KIF3A: variants seen among roughly 807,000 people sequenced by gnomAD.
KIF3A encodes kinesin family member 3A.
A neutral mutation model predicts 92.6 loss-of-function variants in KIF3A; 27 were observed. That is an observed-to-expected ratio of 0.29 (90% CI 0.21 to 0.40). KIF3A has a LOEUF of 0.40. KIF3A is among the 10% of genes least tolerant of loss of function. The probability of loss-of-function intolerance (pLI) is 1.00; values close to 1 mark genes in which losing one functional copy is unlikely to be tolerated. For synonymous variants in KIF3A, 250 were observed against 275.4 expected (o/e 0.91, Z 0.92); for missense variants, 581 against 872.6 (o/e 0.67, Z 4.21).
chr5:132,720,795 T>C, intron 4 of KIF3A, 81 bp from the exon 5 acceptor site: 1 of 749,212 alleles, frequency 1.3e-6, no homozygotes, highest in Non-Finnish European at 2.2e-6. Context: ...TGTTGGACAC[T>C]CTACTAGACA....
In KIF3A at chr5:132,699,234, G is replaced by T. The variant is rs375666398; in HGVS notation, c.2069C>A (p.Ser690Tyr). 1.2e-6 allele frequency: 2 copies of T among 1,613,478 alleles called. No homozygotes were observed. Among genetic ancestry groups the T allele is most frequent in the African/African-American group, 2.7e-5 (2 of 74,898 alleles). Residue 690 changes from serine to tyrosine, a missense_variant, in exon 18 of 19, where the codon TCT becomes TAT. By Grantham distance (144) the Ser-to-Tyr change is moderately radical. Transcript: ENST00000403231. ...TCGTGGTCTTTCTAGTTTCATCAAA[G>T]ACTGACGCAGACTCTCCTCAGTATA... ...LAYTEESLRQ[S>Y]LMKLERPRTS...
chr5:132,691,041 A>G (rs749523747), downstream of KIF3A, among the ~76,000 whole-genome samples: 2 of 152,230 alleles, frequency 1.3e-5, no homozygotes, highest in Admixed American at 6.5e-5. Flanking sequence ...CTGGTAATCA[A>G]TGTTTGTCAA....
intron 9 of KIF3A, among the ~76,000 whole-genome samples, chr5:132,710,236 T>C (rs765367505): frequency 2.6e-5 from 4 of 152,354 alleles, no homozygotes; most frequent in Admixed American, 2.6e-4. Flanking sequence ...GAATTCCTCA[T>C]ACAAATTTAC....
chr5:132,705,228 T>C (rs890812224), intron 11 of KIF3A, among the ~76,000 whole-genome samples: 1 of 151,956 alleles, frequency 6.6e-6, no homozygotes, highest in Non-Finnish European at 1.5e-5. Flanking sequence ...GTCTTAGAAA[T>C]TTGAAGGAGA....
intron 4 of KIF3A, among the ~76,000 whole-genome samples, chr5:132,725,681 A>C (rs1754010942): frequency 6.6e-6 from 1 of 152,190 alleles, no homozygotes; most frequent in Non-Finnish European, 1.5e-5. Context: ...TACTACCAAC[A>C]ACCATCAATT....
At chr5:132,724,957 T>C (rs1007763473) in intron 4 of KIF3A, among the ~76,000 whole-genome samples, 1 of 145,314 alleles carries the variant, frequency 6.9e-6, no homozygotes. Context: ...CAATGGAACA[T>C]AAGAAATCCT....
chr5:132,717,153 CTT>C (rs1473307840), intron 5 of KIF3A, among the ~76,000 whole-genome samples, 169 bp from the exon 6 acceptor site: 1 of 152,134 alleles, frequency 6.6e-6, no homozygotes, highest in East Asian at 1.9e-4. Context: ...TGAAATTTCT[CTT>C]ATACTTTGTT....
At chr5:132,721,307 T>G (rs1753815816) in intron 4 of KIF3A, 1 of 152,328 alleles carries the variant, frequency 6.6e-6, no homozygotes, top group South Asian at 2.1e-4. Flanking sequence ...GATCTTTCTG[T>G]GAATTACCTT....
intron 2 of KIF3A, among the ~76,000 whole-genome samples, chr5:132,732,266 A>T (rs1380004884): frequency 1.3e-5 from 2 of 152,204 alleles, no homozygotes; most frequent in Non-Finnish European, 2.9e-5. Flanking sequence ...GCAGCTCCTC[A>T]AAACATTAAA....
chr5:132,734,996 A>C (rs1293613366), intron 1 of KIF3A, among the ~76,000 whole-genome samples: 1 of 152,234 alleles, frequency 6.6e-6, no homozygotes, highest in Non-Finnish European at 1.5e-5. Context: ...CAGAAATGAA[A>C]GTCTAATGGC....
intron 8 of KIF3A, 69 bp from the exon 9 acceptor site, chr5:132,711,126 T>C (rs1753409364): frequency 3.6e-6 from 5 of 1,406,968 alleles, no homozygotes; most frequent in African/African-American, 1.4e-5. Context: ...GAAATACCTA[T>C]ATCAGCTTTC....
chr5:132,702,447 T>C, intron 14 of KIF3A, 111 bp downstream of exon 14: 1 of 716,426 alleles, frequency 1.4e-6, no homozygotes, highest in Non-Finnish European at 2.2e-6. Flanking sequence ...AAATATTTTA[T>C]TTCTTTTAAA....
At chr5:132,716,581 G>A (rs1753631145) in intron 6 of KIF3A, 139 bp from the exon 7 acceptor site, 2 of 787,024 alleles carry the variant, frequency 2.5e-6, no homozygotes, top group Non-Finnish European at 2.0e-6. Flanking sequence ...ATATAGGAAA[G>A]GAAGAAGTGG....
At position 132,737,481 on chromosome 5, in the gene KIF3A, TGCGCAGAAAG is replaced by T; in HGVS notation, c.-72_-63del. 1 of 1,585,008 alleles carries T rather than the reference TGCGCAGAAAG, an allele frequency of 6.3e-7. No individual in the cohort carries two copies. The highest frequency in any genetic ancestry group is 8.6e-7 in the Non-Finnish European group (1 of 1,165,452). ...CGGGGTGCAGCCCAGCGACACCGGG[TGCGCAGAAAG>T]GATGGCCAGAGACTACCGAAACACC... On this transcript the variant is annotated 5_prime_UTR_variant, in exon 1 of 19. Transcript: ENST00000403231.
At chr5:132,732,202 C>T (rs566332130) in intron 2 of KIF3A, among the ~76,000 whole-genome samples, 2 of 152,148 alleles carry the variant, frequency 1.3e-5, no homozygotes, top group Non-Finnish European at 2.9e-5. Context: ...AATCAGAAAC[C>T]TCACACATTG....
intron 3 of KIF3A, 37 bp downstream of exon 3, chr5:132,726,317 C>T (rs1310862663): frequency 6.2e-7 from 1 of 1,607,110 alleles, no homozygotes; most frequent in Non-Finnish European, 8.5e-7. Flanking sequence ...AGTGTTTGTA[C>T]TTCTCAATAT....
At chr5:132,730,134 C>T (rs575050026) in intron 2 of KIF3A, among the ~76,000 whole-genome samples, 8 of 152,290 alleles carry the variant, frequency 5.3e-5, no homozygotes, top group African/African-American at 1.7e-4. Context: ...TTAGATGAAA[C>T]GGACTAATTC....
intron 8 of KIF3A, among the ~76,000 whole-genome samples, chr5:132,712,758 T>C (rs1476754143): frequency 2.0e-5 from 3 of 152,138 alleles, no homozygotes; most frequent in African/African-American, 7.2e-5. Flanking sequence ...CAAACCCAAA[T>C]TAATGAACAT....
At position 132,700,287 on chromosome 5, in the gene KIF3A, CA is replaced by C. The variant is rs796705048; in HGVS notation, c.1939-4del. 6 of 1,568,244 alleles carry C rather than the reference CA, an allele frequency of 3.8e-6. No individual in the cohort carries two copies. Among genetic ancestry groups the C allele is most frequent in the South Asian group, 1.1e-5 (1 of 87,064 alleles). The stretch of plus-strand genomic sequence containing the variant: ...TTTCCTGTATAAGCAACACATTTCT[CA>C]AAAAAAGAAAAGGGAGAGACAGAGA... On this transcript the variant is annotated splice_polypyrimidine_tract_variant and splice_region_variant and intron_variant, in intron 16 of 18. Coordinates refer to ENST00000403231, the MANE Select transcript of KIF3A (RefSeq NM_001300791.2).
Sources: gnomAD v4.1 joint callset for allele counts (sites outside exome capture counted in the v4.1 genomes callset) on GRCh38, gnomAD v4.1.1 for gene constraint, MANE v1.5 for transcripts, NCBI Gene and HGNC (gene_info 2026-07-23, HGNC 2026-07-21) for gene names.